Variants in SNX33 observed in about 807,000 individuals in gnomAD.
SNX33 encodes the protein sorting nexin 33.
A neutral mutation model predicts 38.8 loss-of-function variants in SNX33; 19 were observed. The observed-to-expected ratio is 0.49, with a 90% confidence interval of 0.34 to 0.72. The LOEUF (loss-of-function observed/expected upper bound fraction) is 0.72, where lower values mean the gene tolerates loss of function less well. Ranked by LOEUF, SNX33 falls within the 30% of genes least tolerant of loss-of-function variation. The pLI, the probability that SNX33 is intolerant of heterozygous loss-of-function variation, is 0.01. For synonymous variants in SNX33, 246 were observed against 289.7 expected, an observed-to-expected ratio of 0.85 and a Z score of 1.53; for missense variants, 641 against 776.4, an observed-to-expected ratio of 0.83 and a Z score of 2.07.
In SNX33 at chr15:75,648,375, G is replaced by T; in HGVS notation, c.-728G>T. On this transcript the variant is annotated 5_prime_UTR_variant, in exon 1 of 2. Coordinates refer to ENST00000308527, the MANE Select transcript of SNX33 (RefSeq NM_153271.2). This position sits in a 1 kb window ranked among gnomAD's most constrained non-coding sequence, Gnocchi z 4.4. ...GGGCGCCCGAGCCGGCGGGGGCTCC[G>T]GCTGCGCAGCCGGGGTCGAAGAGTT... is the stretch of plus-strand genomic sequence containing the variant. 1.0e-6 allele frequency: 1 copy of T among 985,426 alleles called. No homozygotes were observed. The highest frequency in any genetic ancestry group is 1.2e-6 in the Non-Finnish European group (1 of 829,952). The allele number at this position is 985,426 out of a possible 1,614,324, so 61.0% of individuals were successfully genotyped here.
Position 75,659,995 on chromosome 15 carries a change from C to T in SNX33, c.*2780C>T, listed in dbSNP as rs1269989759. Reference sequence around the variant, plus strand: ...GGGGCCGTTCTGGGGTAGCTAAGCCCCTTTCAGCAGGAGATTGGGGGACCA... The same window carrying T: ...GGGGCCGTTCTGGGGTAGCTAAGCCTCTTTCAGCAGGAGATTGGGGGACCA... On this transcript the variant is annotated 3_prime_UTR_variant, in exon 2 of 2. Coordinates refer to ENST00000308527, the MANE Select transcript of SNX33 (RefSeq NM_153271.2). The T allele has an allele frequency of 2.0e-5, 3 of 151,906 alleles. No homozygotes were observed. Among genetic ancestry groups the T allele is most frequent in the Non-Finnish European group, 4.4e-5 (3 of 68,030 alleles). 9.4% of individuals were successfully genotyped at this position (151,906 alleles called of 1,614,324 possible).
chr15:75,649,433 G>A lies in SNX33; in HGVS notation c.331G>A (p.Glu111Lys), dbSNP rs953788186. Residue 111 changes from glutamate to lysine, a missense_variant, in exon 1 of 2, where the codon GAG becomes AAG. Physicochemically the swap from Glu to Lys is moderately conservative, Grantham distance 56 (BLOSUM62 1). This residue lies in a region of SNX33 where 243 missense variants were observed against 233.9 expected (regional missense o/e 1.04). Coordinates refer to ENST00000308527, the MANE Select transcript of SNX33 (RefSeq NM_153271.2). The surrounding 1 kb of genome is among the most constrained non-coding windows in gnomAD (Gnocchi z 6.6). ...GFLSNQGSFE[E>K]DDDDDWDDWD... ...CCTCTCAAACCAGGGTAGCTTTGAGGAGGATGATGATGATGACTGGGATGA... is the reference window on the plus strand; with the variant it reads ...CCTCTCAAACCAGGGTAGCTTTGAGAAGGATGATGATGATGACTGGGATGA... 2 of 1,536,870 alleles carry A rather than the reference G, an allele frequency of 1.3e-6. No homozygotes were observed. The highest frequency in any genetic ancestry group is 1.3e-5 in the South Asian group (1 of 78,784).
chr15:75,657,120 C>T lies in SNX33; in HGVS notation c.1630C>T (p.His544Tyr), dbSNP rs1358908146. Residue 544 changes from histidine to tyrosine, a missense_variant, in exon 2 of 2, where the codon CAC becomes TAC. By Grantham distance (83) the His-to-Tyr change is moderately conservative. Transcript: ENST00000308527. This position sits in a 1 kb window ranked among gnomAD's most constrained non-coding sequence, Gnocchi z 5.5. Reference sequence around the variant, plus strand: ...CCAGCGCCGTGAGCTCGACTTCAAGCACATGATGCAGAACTACTTGCGCCA... The same window carrying T: ...CCAGCGCCGTGAGCTCGACTTCAAGTACATGATGCAGAACTACTTGCGCCA... ...FHQRRELDFK[H>Y]MMQNYLRQQI... 1 of 1,614,198 alleles carries T rather than the reference C, an allele frequency of 6.2e-7. No individual in the cohort carries two copies. The highest frequency in any genetic ancestry group is 8.5e-7 in the Non-Finnish European group (1 of 1,180,016).
chr15:75,657,217 C>T lies in SNX33; in HGVS notation c.*2C>T, dbSNP rs199965949. 6.8e-6 allele frequency: 11 copies of T among 1,613,558 alleles called. No homozygotes were observed. The highest frequency in any genetic ancestry group is 4.5e-5 in the East Asian group (2 of 44,876). ...CTGCGCATGTATGACAACCTCTGAC[C>T]GCGTGTGCCTGGGCCCCCTCCTTCC... On this transcript the variant is annotated 3_prime_UTR_variant, in exon 2 of 2. Transcript: ENST00000308527. The surrounding 1 kb of genome is among the most constrained non-coding windows in gnomAD (Gnocchi z 5.5).
At position 75,662,212 on chromosome 15, in the gene SNX33, T is replaced by C. The variant is rs1444301375; in HGVS notation, c.*4997T>C. ...TGAATCCCACACTCTATCATACATATTAATATTTACCTGCATTCCACATTA... is the reference window on the plus strand; with the variant it reads ...TGAATCCCACACTCTATCATACATACTAATATTTACCTGCATTCCACATTA... On this transcript the variant is annotated 3_prime_UTR_variant, in exon 2 of 2. Transcript: ENST00000308527. The C allele has an allele frequency of 6.6e-6, 1 of 152,152 alleles. No homozygotes were observed. The highest frequency in any genetic ancestry group is 1.5e-5 in the Non-Finnish European group (1 of 68,030). 9.4% of individuals were successfully genotyped at this position (152,152 alleles called of 1,614,324 possible). A position where few individuals can be genotyped will look rare whatever the true frequency, so the allele number is the denominator to read the frequency against.
chr15:75,650,314 T>C lies in SNX33; in HGVS notation c.1212T>C (p.Arg404=), dbSNP rs139531069. The C allele has an allele frequency of 2.4e-5, 38 of 1,595,474 alleles. No homozygotes were observed. In the African/African-American group the frequency reaches 5.1e-4, roughly 21 times the overall value. The change falls in exon 1 of 2, where the codon CGT becomes CGC. Residue 404 remains arginine (R), a synonymous_variant. Coordinates refer to ENST00000308527, the MANE Select transcript of SNX33 (RefSeq NM_153271.2). This position sits in a 1 kb window ranked among gnomAD's most constrained non-coding sequence, Gnocchi z 6.1. ...GCACTGTGGCATCAGAGCTGGTGCG[T>C]AAACATGTGGGGGGCTTCCGCAAGG... The part of the protein sequence containing the change: ...QLSTVASELV[R]KHVGGFRKEF...
At position 75,648,931 on chromosome 15, in the gene SNX33, G is replaced by A; in HGVS notation, c.-172G>A. 1.4e-6 allele frequency: 1 copy of A among 736,868 alleles called. No individual in the cohort carries two copies. Among genetic ancestry groups the A allele is most frequent in the Non-Finnish European group, 2.1e-6 (1 of 485,552 alleles). 45.6% of individuals were successfully genotyped at this position (736,868 alleles called of 1,614,324 possible). ...TCTGGGCCATGGACATTGCTTTGAA[G>A]AGGGGGAGACTGGACAGCATCTGTG... On this transcript the variant is annotated 5_prime_UTR_variant, in exon 1 of 2. Coordinates refer to ENST00000308527, the MANE Select transcript of SNX33 (RefSeq NM_153271.2). This position sits in a 1 kb window ranked among gnomAD's most constrained non-coding sequence, Gnocchi z 4.4.
At position 75,661,017 on chromosome 15, in the gene SNX33, C is replaced by G. The variant is rs565729931; in HGVS notation, c.*3802C>G. The G allele has an allele frequency of 6.6e-6, 1 of 152,312 alleles. No homozygotes were observed. The highest frequency in any genetic ancestry group is 1.9e-4 in the East Asian group (1 of 5,178). 9.4% of individuals were successfully genotyped at this position (152,312 alleles called of 1,614,324 possible). ...GAGCAGTGGTGGCTGGCCTTATCAC[C>G]CAGCAGGGCAGGGGATACTCTGGGG... On this transcript the variant is annotated 3_prime_UTR_variant, in exon 2 of 2. Coordinates refer to ENST00000308527, the MANE Select transcript of SNX33 (RefSeq NM_153271.2). This position sits in a 1 kb window ranked among gnomAD's most constrained non-coding sequence, Gnocchi z 4.5.
rs1044718874 is a variant in SNX33 at position 75,658,120 on chromosome 15, C to G, written c.*905C>G. On this transcript the variant is annotated 3_prime_UTR_variant, in exon 2 of 2. Transcript: ENST00000308527. This position sits in a 1 kb window ranked among gnomAD's most constrained non-coding sequence, Gnocchi z 4.1. Reference sequence around the variant, plus strand: ...GACCATTGCAGCATCCTCCCCTCCTCGGACTCAAGGTGCTGAGGTATAAGC... The same window carrying G: ...GACCATTGCAGCATCCTCCCCTCCTGGGACTCAAGGTGCTGAGGTATAAGC... 6.6e-6 allele frequency: 1 copy of G among 152,554 alleles called. No individual in the cohort carries two copies. Among genetic ancestry groups the G allele is most frequent in the Non-Finnish European group, 1.5e-5 (1 of 68,062 alleles). 9.5% of individuals were successfully genotyped at this position (152,554 alleles called of 1,614,324 possible).
In SNX33 at chr15:75,647,996, C is replaced by A. The variant is rs1174993458; in HGVS notation, c.-1107C>A. The stretch of plus-strand genomic sequence containing the variant: ...GAAGGCAGGCTGGGGGCGCAGCCCG[C>A]CCCCCACTGGCCGGGCCCCGCAGGG... On this transcript the variant is annotated 5_prime_UTR_variant, in exon 1 of 2. Coordinates refer to ENST00000308527, the MANE Select transcript of SNX33 (RefSeq NM_153271.2). 1.0e-6 allele frequency: 1 copy of A among 985,286 alleles called. No homozygotes were observed. The highest frequency in any genetic ancestry group is 1.2e-6 in the Non-Finnish European group (1 of 829,884). 61.0% of individuals were successfully genotyped at this position (985,286 alleles called of 1,614,324 possible).
chr15:75,648,322 GGGGCTGGCC>G lies in SNX33; in HGVS notation c.-780_-772del. 1.0e-6 allele frequency: 1 copy of G among 985,354 alleles called. No individual in the cohort carries two copies. The highest frequency in any genetic ancestry group is 1.7e-5 in the African/African-American group (1 of 57,324). 61.0% of individuals were successfully genotyped at this position (985,354 alleles called of 1,614,324 possible). On this transcript the variant is annotated 5_prime_UTR_variant, in exon 1 of 2. Coordinates refer to ENST00000308527, the MANE Select transcript of SNX33 (RefSeq NM_153271.2). This position sits in a 1 kb window ranked among gnomAD's most constrained non-coding sequence, Gnocchi z 4.4. Reference sequence around the variant, plus strand: ...CGCGCCCCCTCCTTCCTCCGGGGTTGGGGCTGGCCACTTCTGGGGCGGGGAGAGGGCGCC... The same window carrying G: ...CGCGCCCCCTCCTTCCTCCGGGGTTGACTTCTGGGGCGGGGAGAGGGCGCC...
Position 75,657,002 on chromosome 15 carries a change from C to G in SNX33, c.1512C>G (p.Asp504Glu). The change falls in exon 2 of 2, where the codon GAC becomes GAG. Residue 504 changes from aspartate to glutamate, a missense_variant. Coordinates refer to ENST00000308527, the MANE Select transcript of SNX33 (RefSeq NM_153271.2). This position sits in a 1 kb window ranked among gnomAD's most constrained non-coding sequence, Gnocchi z 5.5. ...TGAAGGAGAGCCAACGCATGAGTGA[C>G]GAGGGCCGCATGGTGCAGGACGAGG... ...AKVKESQRMS[D>E]EGRMVQDEAD... 6.2e-7 allele frequency: 1 copy of G among 1,613,958 alleles called. No individual in the cohort carries two copies. Among genetic ancestry groups the G allele is most frequent in the African/African-American group, 1.3e-5 (1 of 75,048 alleles).
rs1045008418 is a variant in SNX33, at chr15:75,662,127, G to T, written c.*4912G>T. ...GGGGACCCTTTCTTTCCCCAGGGAT[G>T]TGTAGAACTTTTGGGGATGGCACAT... On this transcript the variant is annotated 3_prime_UTR_variant, in exon 2 of 2. Coordinates refer to ENST00000308527, the MANE Select transcript of SNX33 (RefSeq NM_153271.2). The T allele has an allele frequency of 3.3e-5, 5 of 152,182 alleles. No homozygotes were observed. The highest frequency in any genetic ancestry group is 1.2e-4 in the African/African-American group (5 of 41,422). The allele number at this position is 152,182 out of a possible 1,614,324, so 9.4% of individuals were successfully genotyped here.
At chr15:75,655,702 T>C (rs1893644654) in intron 1 of SNX33, among the ~76,000 whole-genome samples, 1 of 152,146 alleles carries the variant, frequency 6.6e-6, no homozygotes. Flanking sequence ...GAAGAGAATA[T>C]TATCTAGACA....
In SNX33 at chr15:75,657,409, A is replaced by T. The variant is rs1893667948; in HGVS notation, c.*194A>T. 4.6e-6 allele frequency: 4 copies of T among 873,294 alleles called. No homozygotes were observed. In the South Asian group the frequency reaches 6.8e-5, roughly 15 times the overall value. 54.1% of individuals were successfully genotyped at this position (873,294 alleles called of 1,614,324 possible). Reference sequence around the variant, plus strand: ...CCTGGGAAATTCCCCACTCCTTAGAAGTGGGGCACAGCAGGGGTGAGAATA... The same window carrying T: ...CCTGGGAAATTCCCCACTCCTTAGATGTGGGGCACAGCAGGGGTGAGAATA... On this transcript the variant is annotated 3_prime_UTR_variant, in exon 2 of 2. Coordinates refer to ENST00000308527, the MANE Select transcript of SNX33 (RefSeq NM_153271.2). This position sits in a 1 kb window ranked among gnomAD's most constrained non-coding sequence, Gnocchi z 5.5.
At chr15:75,651,254 G>A (rs755186249) in intron 1 of SNX33, among the ~76,000 whole-genome samples, 14 of 152,192 alleles carry the variant, frequency 9.2e-5, no homozygotes, top group South Asian at 4.1e-4. Flanking sequence ...CTTTATGAGC[G>A]TCTTGTCTGT....
Position 75,662,121 on chromosome 15 carries a change from A to G in SNX33, c.*4906A>G, listed in dbSNP as rs1170318137. 1 of 152,126 alleles carries G rather than the reference A, an allele frequency of 6.6e-6. No homozygotes were observed. Among genetic ancestry groups the G allele is most frequent in the Non-Finnish European group, 1.5e-5 (1 of 68,026 alleles). The allele number at this position is 152,126 out of a possible 1,614,324, so 9.4% of individuals were successfully genotyped here. A position where few individuals can be genotyped will look rare whatever the true frequency, so the allele number is the denominator to read the frequency against. ...CAATTTGGGGACCCTTTCTTTCCCCAGGGATGTGTAGAACTTTTGGGGATG... is the reference window on the plus strand; with the variant it reads ...CAATTTGGGGACCCTTTCTTTCCCCGGGGATGTGTAGAACTTTTGGGGATG... On this transcript the variant is annotated 3_prime_UTR_variant, in exon 2 of 2. Transcript: ENST00000308527.
In SNX33 at chr15:75,658,138, G is replaced by C. The variant is rs1231975827; in HGVS notation, c.*923G>C. The C allele has an allele frequency of 6.6e-6, 1 of 152,592 alleles. No individual in the cohort carries two copies. The highest frequency in any genetic ancestry group is 1.5e-5 in the Non-Finnish European group (1 of 68,056). The allele number at this position is 152,592 out of a possible 1,614,324, so 9.5% of individuals were successfully genotyped here. ...CCCTCCTCGGACTCAAGGTGCTGAG[G>C]TATAAGCCCTGGGCCCCAGATCCCT... On this transcript the variant is annotated 3_prime_UTR_variant, in exon 2 of 2. Transcript: ENST00000308527. This position sits in a 1 kb window ranked among gnomAD's most constrained non-coding sequence, Gnocchi z 4.1.
At position 75,648,216 on chromosome 15, in the gene SNX33, T is replaced by TCA. The variant is rs1413103428; in HGVS notation, c.-886_-885dup. On this transcript the variant is annotated 5_prime_UTR_variant, in exon 1 of 2. Transcript: ENST00000308527. The surrounding 1 kb of genome is among the most constrained non-coding windows in gnomAD (Gnocchi z 4.4). ...CCTGGGATTCAGAGCAGGGTCAGCG[T>TCA]CAGGCTCAGAAACTGCTGAGGAATT... 9 of 985,300 alleles carry TCA rather than the reference T, an allele frequency of 9.1e-6. No individual in the cohort carries two copies. The African/African-American group carries it at 1.6e-4, about 17-fold the overall frequency. The allele number at this position is 985,300 out of a possible 1,614,324, so 61.0% of individuals were successfully genotyped here.
Sources: allele counts gnomAD v4.1 joint callset (sites outside exome capture counted in the v4.1 genomes callset), GRCh38; gene constraint gnomAD v4.1.1; regional missense constraint gnomAD v4.1.1; non-coding constraint Gnocchi (gnomAD v3.1); transcripts MANE v1.5; gene names NCBI Gene and HGNC (gene_info 2026-07-23, HGNC 2026-07-21).